SDCCAG8: variants seen among roughly 807,000 people sequenced by gnomAD.
The protein encoded by SDCCAG8 is SHH signaling and ciliogenesis regulator SDCCAG8, also known as serologically defined colon cancer antigen 8.
Under a neutral mutation model 101.8 loss-of-function variants are expected in SDCCAG8, and 74 were observed. The observed-to-expected ratio is 0.73, with a 90% CI of 0.60 to 0.88. SDCCAG8 has a LOEUF of 0.88. SDCCAG8 is among the 40% of genes least tolerant of loss of function. SDCCAG8 has a pLI of 0.00. For synonymous variants in SDCCAG8, 281 were observed against 292.9 expected, an observed-to-expected ratio of 0.96 and a Z score of 0.41; for missense variants, 787 against 822.6, an observed-to-expected ratio of 0.96 and a Z score of 0.53.
intron 16 of SDCCAG8, among the ~76,000 whole-genome samples, chr1:243,472,955 A>G (rs964666471): frequency 5.3e-5 from 8 of 152,216 alleles, no homozygotes; most frequent in African/African-American, 1.4e-4. Flanking sequence ...TCCTGTGTCA[A>G]TTCTTTGTAT....
intron 10 of SDCCAG8, among the ~76,000 whole-genome samples, chr1:243,331,680 A>G (rs2074604583): frequency 6.6e-6 from 1 of 152,110 alleles, no homozygotes; most frequent in Non-Finnish European, 1.5e-5. Flanking sequence ...GCTGGTAAAA[A>G]TCACACAGCC....
At chr1:243,404,248 T>C (rs1455880063) in intron 13 of SDCCAG8, among the ~76,000 whole-genome samples, 2 of 152,130 alleles carry the variant, frequency 1.3e-5, no homozygotes, top group African/African-American at 4.8e-5. Flanking sequence ...TTGTGGAAAT[T>C]AGTTTGAAGA....
At chr1:243,312,102 T>G (rs1265586966) in intron 8 of SDCCAG8, among the ~76,000 whole-genome samples, 1 of 152,214 alleles carries the variant, frequency 6.6e-6, no homozygotes, top group Admixed American at 6.5e-5. Flanking sequence ...AATGAATTCT[T>G]CTTCTGTATC....
At chr1:243,257,679 T>G (rs1471444996) in intron 1 of SDCCAG8, among the ~76,000 whole-genome samples, 1 of 152,218 alleles carries the variant, frequency 6.6e-6, no homozygotes, top group Non-Finnish European at 1.5e-5. Context: ...TCAATTGTGT[T>G]AACAAACTGT....
intron 5 of SDCCAG8, among the ~76,000 whole-genome samples, chr1:243,292,864 T>C (rs146852249): frequency 1.4e-3 from 220 of 152,298 alleles, no homozygotes; most frequent in African/African-American, 4.7e-3. Flanking sequence ...AATCTAGCCC[T>C]CTTTGCCCAT....
chr1:243,275,513 A>T (rs948313659), intron 4 of SDCCAG8, among the ~76,000 whole-genome samples: 4 of 152,150 alleles, frequency 2.6e-5, no homozygotes, highest in Non-Finnish European at 4.4e-5. Flanking sequence ...TGATCTTAAC[A>T]TGTAATTTCC....
intron 16 of SDCCAG8, among the ~76,000 whole-genome samples, chr1:243,428,855 C>T (rs916010913): frequency 1.3e-4 from 20 of 152,120 alleles, no homozygotes; most frequent in Admixed American, 3.3e-4. Context: ...GTTGCTATTG[C>T]GAGGAGCTCA....
chr1:243,484,064 C>G (rs1664303461), intron 16 of SDCCAG8, among the ~76,000 whole-genome samples: 1 of 152,226 alleles, frequency 6.6e-6, no homozygotes, highest in African/African-American at 2.4e-5. Flanking sequence ...GCATAGCTGC[C>G]TGGTGGGTGC....
intron 1 of SDCCAG8, among the ~76,000 whole-genome samples, chr1:243,265,513 T>C (rs1246861975): frequency 6.6e-6 from 1 of 152,198 alleles, no homozygotes; most frequent in Non-Finnish European, 1.5e-5. Context: ...TGAAAAGTGC[T>C]CTTAAAATCC....
chr1:243,275,479 G>C (rs1056464042), intron 4 of SDCCAG8, among the ~76,000 whole-genome samples: 3 of 152,122 alleles, frequency 2.0e-5, no homozygotes, highest in Non-Finnish European at 2.9e-5. Context: ...ATGTTTCACT[G>C]TCCTGATTTT....
chr1:243,443,787 ATC>A (rs1304089764), intron 16 of SDCCAG8, among the ~76,000 whole-genome samples: 1 of 151,780 alleles, frequency 6.6e-6, no homozygotes, highest in Non-Finnish European at 1.5e-5. Context: ...GATGTTTAAA[ATC>A]TCTCTCCTTT....
chr1:243,483,050 T>G (rs1298202950), intron 16 of SDCCAG8, among the ~76,000 whole-genome samples: 2 of 152,074 alleles, frequency 1.3e-5, no homozygotes, highest in Non-Finnish European at 2.9e-5. Context: ...AAGAAAAGGC[T>G]AAAAACAAGA....
At chr1:243,418,138 T>TAAGG (rs2080734913) in intron 15 of SDCCAG8, 62 bp downstream of exon 15, 3 of 1,153,236 alleles carry the variant, frequency 2.6e-6, no homozygotes, top group Non-Finnish European at 3.9e-6. Flanking sequence ...AATTTTTCCT[T>TAAGG]AAAAAACATC....
At chr1:243,373,773 G>A (rs2077437710) in intron 12 of SDCCAG8, among the ~76,000 whole-genome samples, 1 of 152,150 alleles carries the variant, frequency 6.6e-6, no homozygotes, top group Non-Finnish European at 1.5e-5. Context: ...ACTCTCAGTG[G>A]AAGGGAGATG....
chr1:243,270,855 G>T, intron 2 of SDCCAG8, 123 bp from the exon 3 acceptor site: 1 of 735,702 alleles, frequency 1.4e-6, no homozygotes, highest in Admixed American at 2.0e-5. Flanking sequence ...TGTATCCCCA[G>T]TTGATAGCAG....
chr1:243,479,702 T>C (rs979944432), intron 16 of SDCCAG8, among the ~76,000 whole-genome samples: 19 of 152,172 alleles, frequency 1.2e-4, no homozygotes, highest in Non-Finnish European at 4.4e-5. Context: ...AGGATTTACT[T>C]AAGTTCTCAT....
chr1:243,296,914 A>G (rs1054374367), intron 6 of SDCCAG8, among the ~76,000 whole-genome samples: 3 of 152,054 alleles, frequency 2.0e-5, no homozygotes, highest in Non-Finnish European at 2.9e-5. Flanking sequence ...TTTGTATAAC[A>G]TGTACATTGG....
At chr1:243,282,518 T>G (rs999331664) in intron 4 of SDCCAG8, among the ~76,000 whole-genome samples, 1 of 152,234 alleles carries the variant, frequency 6.6e-6, no homozygotes, top group Admixed American at 6.5e-5. Context: ...TCTTTTTTTC[T>G]TTATGTAGAT....
chr1:243,433,186 T>C (rs1354768910), intron 16 of SDCCAG8, among the ~76,000 whole-genome samples: 1 of 152,038 alleles, frequency 6.6e-6, no homozygotes, highest in Non-Finnish European at 1.5e-5. Flanking sequence ...TCTGTGTTTA[T>C]TGGGCATCTG....
Sources: gnomAD v4.1 joint callset for allele counts (sites outside exome capture counted in the v4.1 genomes callset) on GRCh38, gnomAD v4.1.1 for gene constraint, MANE v1.5 for transcripts, NCBI Gene and HGNC (gene_info 2026-07-23, HGNC 2026-07-21) for gene names.